POT1: variants seen among roughly 807,000 people sequenced by gnomAD.
POT1 encodes protection of telomeres 1.
POT1 carries 47 observed loss-of-function variants against 78.5 expected under a neutral mutation model. The ratio of observed to expected loss-of-function variants is 0.60; its 90% CI spans 0.47 to 0.76. The LOEUF (loss-of-function observed/expected upper bound fraction) is 0.76, where lower values mean the gene tolerates loss of function less well. POT1 is among the 30% of genes least tolerant of loss of function. POT1 has a pLI of 0.00. For synonymous variants in POT1, 259 were observed against 260.7 expected (o/e 0.99, Z 0.06); for missense variants, 646 against 749.9 (o/e 0.86, Z 1.62).
rs1795043105 is a variant in POT1 at position 124,842,151 on chromosome 7, A to G, written c.1163+656T>C. Among the ~76,000 whole-genome samples the G allele has an allele frequency of 2.0e-5, 3 of 152,042 alleles. No homozygotes were observed. In the South Asian group the frequency reaches 6.2e-4, roughly 31 times the overall value. ...GGGCATCCAAATGCATATAACCATC[A>G]ATTATCTACATTTTCCAAAACATCA... On this transcript the variant is annotated intron_variant, in intron 13 of 18. Transcript: ENST00000357628.
At chr7:124,899,490 A>C (rs1368363672) in intron 3 of POT1, among the ~76,000 whole-genome samples, 1 of 152,154 alleles carries the variant, frequency 6.6e-6, no homozygotes, top group Non-Finnish European at 1.5e-5. Flanking sequence ...TATTTCTCCG[A>C]AACCTTTTAT....
intron 2 of POT1, among the ~76,000 whole-genome samples, chr7:124,924,184 G>GA (rs1262477753): frequency 7.0e-6 from 1 of 142,842 alleles, no homozygotes; most frequent in Non-Finnish European, 1.5e-5. Context: ...AAGGATCAAT[G>GA]AAAAAAAAGT....
intron 6 of POT1, 125 bp from the exon 7 acceptor site, chr7:124,871,166 A>G: frequency 1.4e-6 from 1 of 731,480 alleles, no homozygotes; most frequent in Non-Finnish European, 1.9e-6. Context: ...TAAGAGGATT[A>G]AAACAGAGAC....
Position 124,929,814 on chromosome 7 carries a change from T to G in POT1, c.-432A>C, listed in dbSNP as rs1312790845. The stretch of plus-strand genomic sequence containing the variant: ...CTCACCCGTACTCTAGAAAGAACCC[T>G]AGGAAGAGTTTAGGCGGGCGCGCAG... On this transcript the variant is annotated 5_prime_UTR_variant, in exon 1 of 19. Transcript: ENST00000357628. 1 of 152,128 alleles carries G rather than the reference T, an allele frequency of 6.6e-6. No individual in the cohort carries two copies. The highest frequency in any genetic ancestry group is 1.9e-4 in the East Asian group (1 of 5,188). The allele number at this position is 152,128 out of a possible 1,614,324, so 9.4% of individuals were successfully genotyped here.
At chr7:124,872,234 T>C (rs1331433595) in intron 6 of POT1, among the ~76,000 whole-genome samples, 1 of 152,192 alleles carries the variant, frequency 6.6e-6, no homozygotes, top group Non-Finnish European at 1.5e-5. Context: ...CATTAATGGA[T>C]GCTTAGGTTT....
intron 15 of POT1, among the ~76,000 whole-genome samples, chr7:124,833,123 A>C (rs988843644): frequency 6.6e-6 from 1 of 152,188 alleles, no homozygotes; most frequent in African/African-American, 2.4e-5. Flanking sequence ...TTTTCAAAAA[A>C]GATGGACTCT....
intron 11 of POT1, among the ~76,000 whole-genome samples, chr7:124,849,557 T>G (rs998550144): frequency 6.6e-6 from 1 of 152,180 alleles, no homozygotes; most frequent in Non-Finnish European, 1.5e-5. Context: ...CTATGACCTT[T>G]GGTAAATAAT....
intron 18 of POT1, 28 bp downstream of exon 18, chr7:124,825,224 G>A (rs1467623374): frequency 7.0e-7 from 1 of 1,435,192 alleles, no homozygotes; most frequent in Non-Finnish European, 9.8e-7. Context: ...TAAAAGAAGT[G>A]TGGGATTGTT....
chr7:124,857,556 A>T (rs1270429292), intron 9 of POT1, among the ~76,000 whole-genome samples: 1 of 152,218 alleles, frequency 6.6e-6, no homozygotes, highest in Non-Finnish European at 1.5e-5. Context: ...GCAGCTGGCC[A>T]TCAGACACTA....
intron 11 of POT1, among the ~76,000 whole-genome samples, chr7:124,850,038 G>C (rs1410005819): frequency 6.6e-6 from 1 of 151,936 alleles, no homozygotes; most frequent in African/African-American, 2.4e-5. Flanking sequence ...ACATATTACA[G>C]TGTACTTTAA....
chr7:124,843,455 C>G (rs1037321572), intron 12 of POT1, among the ~76,000 whole-genome samples: 10 of 152,002 alleles, frequency 6.6e-5, no homozygotes, highest in African/African-American at 2.4e-4. Flanking sequence ...GGTGATCTAA[C>G]TGTCACAGGA....
chr7:124,907,435 C>CA (rs1796791728), intron 3 of POT1, among the ~76,000 whole-genome samples: 1 of 152,056 alleles, frequency 6.6e-6, no homozygotes, highest in African/African-American at 2.4e-5. Flanking sequence ...TTAACTGCTT[C>CA]ACCCCCCACA....
At chr7:124,829,659 T>C (rs1006473735) in intron 15 of POT1, among the ~76,000 whole-genome samples, 4 of 151,944 alleles carry the variant, frequency 2.6e-5, no homozygotes, top group Non-Finnish European at 4.4e-5. Context: ...AAATGAAAAG[T>C]TGAAGAAAAT....
At chr7:124,873,836 C>T (rs1795927202) in intron 6 of POT1, among the ~76,000 whole-genome samples, 1 of 151,982 alleles carries the variant, frequency 6.6e-6, no homozygotes, top group Admixed American at 6.6e-5. Context: ...AAGAAAATAT[C>T]AACATATTTC....
intron 2 of POT1, among the ~76,000 whole-genome samples, chr7:124,917,002 G>A (rs775212962): frequency 3.9e-5 from 6 of 152,050 alleles, no homozygotes; most frequent in Non-Finnish European, 7.4e-5. Flanking sequence ...AAGACCATTG[G>A]TGAAAACCCA....
chr7:124,851,495 C>T (rs1795304816), intron 11 of POT1, among the ~76,000 whole-genome samples: 1 of 152,102 alleles, frequency 6.6e-6, no homozygotes, highest in Non-Finnish European at 1.5e-5. Context: ...ACTATGTATA[C>T]ATCTAACATA....
At chr7:124,839,402 A>C (rs960643520) in intron 14 of POT1, among the ~76,000 whole-genome samples, 4 of 152,226 alleles carry the variant, frequency 2.6e-5, no homozygotes, top group African/African-American at 9.6e-5. Context: ...GTCACAATAA[A>C]ATAGTGTCAA....
chr7:124,833,803 A>G (rs534337245), intron 15 of POT1, among the ~76,000 whole-genome samples: 167 of 152,352 alleles, frequency 1.1e-3, no homozygotes, highest in African/African-American at 3.8e-3. Context: ...TATGCTTATC[A>G]AAAGAACAGA....
At chr7:124,918,012 C>T (rs1468032268) in intron 2 of POT1, among the ~76,000 whole-genome samples, 1 of 152,174 alleles carries the variant, frequency 6.6e-6, no homozygotes, top group Admixed American at 6.5e-5. Context: ...TGGTGCTACT[C>T]TCAGAAACTA....
Sources: gnomAD v4.1 joint callset for allele counts (sites outside exome capture counted in the v4.1 genomes callset) on GRCh38, gnomAD v4.1.1 for gene constraint, MANE v1.5 for transcripts, NCBI Gene and HGNC (gene_info 2026-07-23, HGNC 2026-07-21) for gene names.